The following ABCA13 variants were observed in gnomAD, a reference collection of about 807,000 sequenced individuals.
The protein encoded by ABCA13 is ATP-binding cassette sub-family A member 13.
In ABCA13, 476 loss-of-function variants were observed where a neutral mutation model predicts 478.7. That is an observed-to-expected ratio of 0.99 (90% CI 0.92 to 1.07). The LOEUF (loss-of-function observed/expected upper bound fraction) is 1.07. Among genes scored for constraint, ABCA13 ranks in the 50% least tolerant of loss-of-function variants. The probability of loss-of-function intolerance (pLI) is 0.00; values close to 1 mark genes in which losing one functional copy is unlikely to be tolerated. For missense variants in ABCA13, 6,060 were observed against 5,910.6 expected, an observed-to-expected ratio of 1.03 and a Z score of -0.83; for synonymous variants, 2,252 against 2,158.9, an observed-to-expected ratio of 1.04 and a Z score of -1.20.
chr7:48,455,307 TG>T, intron 43 of ABCA13, 21 bp downstream of exon 43: 1 of 1,581,646 alleles, frequency 6.3e-7, no homozygotes, highest in Non-Finnish European at 8.6e-7. Context: ...TTTGTTCCTT[TG>T]ATTTCGAAAT....
At chr7:48,500,900 G>T (rs528342276) in intron 48 of ABCA13, among the ~76,000 whole-genome samples, 3 of 152,312 alleles carry the variant, frequency 2.0e-5, no homozygotes, top group South Asian at 4.1e-4. Flanking sequence ...AGTCCTGTGA[G>T]TGGGCTATAG....
intron 32 of ABCA13, 26 bp downstream of exon 32, chr7:48,367,934 G>C: frequency 6.5e-7 from 1 of 1,528,998 alleles, no homozygotes; most frequent in Non-Finnish European, 8.9e-7. Flanking sequence ...CCTTGCCTGG[G>C]AGACAAAGAT....
rs748689557 is a variant in ABCA13 at position 48,352,263 on chromosome 7, C to G, written c.10464C>G (p.Ile3488Met). The G allele has an allele frequency of 6.2e-7, 1 of 1,613,812 alleles. No homozygotes were observed. The highest frequency in any genetic ancestry group is 8.5e-7 in the Non-Finnish European group (1 of 1,179,858). Residue 3488 changes from isoleucine (I) to methionine (M), a missense_variant, in exon 31 of 62, where the codon ATC (isoleucine) becomes ATG (methionine). Coordinates refer to ENST00000435803, the MANE Select transcript of ABCA13 (RefSeq NM_152701.5). ...VKLPPHVSYT[I>M]RTNVLYSVRT... The stretch of plus-strand genomic sequence containing the variant: ...TGCCACCCCATGTCTCATACACAAT[C>G]CGGACCAATGTGTTATACAGCGTGC...
chr7:48,273,066 A>C lies in ABCA13; in HGVS notation c.3400A>C (p.Asn1134His). ...ACAAATTTTTTCAAACCTCTCAGCAAATGTCAGTGTGTTCAACAAGTTTAT... is the reference window on the plus strand; with the variant it reads ...ACAAATTTTTTCAAACCTCTCAGCACATGTCAGTGTGTTCAACAAGTTTAT... ...LAQIFSNLSANVSVFNKFMSI... is the reference protein window; with the variant it reads ...LAQIFSNLSAHVSVFNKFMSI... The change falls in exon 17 of 62, where the codon AAT (asparagine) becomes CAT (histidine). Residue 1134 changes from asparagine to histidine, a missense_variant. By Grantham distance (68) the Asn-to-His change is moderately conservative (BLOSUM62 1). This residue lies in a region of ABCA13 where 4,423 missense variants were observed against 4,309.1 expected (regional missense o/e 1.03). Coordinates refer to ENST00000435803, the MANE Select transcript of ABCA13 (RefSeq NM_152701.5). The C allele has an allele frequency of 6.2e-7, 1 of 1,613,618 alleles. No homozygotes were observed. Among genetic ancestry groups the C allele is most frequent in the Non-Finnish European group, 8.5e-7 (1 of 1,179,732 alleles).
Position 48,298,381 on chromosome 7 carries a change from A to G in ABCA13, c.9215A>G (p.Asp3072Gly). 2 of 1,609,146 alleles carry G rather than the reference A, an allele frequency of 1.2e-6. No individual in the cohort carries two copies. The highest frequency in any genetic ancestry group is 1.7e-6 in the Non-Finnish European group (2 of 1,177,946). The stretch of plus-strand genomic sequence containing the variant: ...TACTTTGCAGATGTAAAAATAAAAG[A>G]TTTGATGAAGAATATCACCAAGTTG... The part of the protein sequence containing the change: ...FTVTEDVKIK[D>G]LMKNITKLTE... Residue 3072 changes from aspartate (D) to glycine (G), a missense_variant, in exon 23 of 62, where the codon GAT becomes GGT. Physicochemically the swap from Asp to Gly is moderately conservative, Grantham distance 94. Transcript: ENST00000435803.
chr7:48,403,807 G>C lies in ABCA13; in HGVS notation c.11998G>C (p.Asp4000His), dbSNP rs1482596467. 1 of 1,613,884 alleles carries C rather than the reference G, an allele frequency of 6.2e-7. No individual in the cohort carries two copies. The highest frequency in any genetic ancestry group is 8.5e-7 in the Non-Finnish European group (1 of 1,179,828). The change falls in exon 39 of 62, where the codon GAT becomes CAT. Residue 4000 changes from aspartate (D) to histidine (H), a missense_variant. By Grantham distance (81) the Asp-to-His change is moderately conservative (BLOSUM62 -1). Around this residue, in one of 3 missense-constraint regions of ABCA13, gnomAD observed 1,627 missense variants for 1,571.0 expected, o/e 1.04. Transcript: ENST00000435803. ...FMGMSRTVVL[D>H]EPTSGVDPCS... Reference sequence around the variant, plus strand: ...GGGCATGTCGAGGACCGTGGTTCTGGATGAGCCCACCAGTGGGGTGGACCC... The same window carrying C: ...GGGCATGTCGAGGACCGTGGTTCTGCATGAGCCCACCAGTGGGGTGGACCC...
intron 27 of ABCA13, among the ~76,000 whole-genome samples, chr7:48,327,584 G>T (rs1490747345): frequency 1.3e-5 from 2 of 152,292 alleles, no homozygotes; most frequent in East Asian, 1.9e-4. Context: ...GATTAAAAAA[G>T]TAGTAAGAAT....
intron 41 of ABCA13, among the ~76,000 whole-genome samples, chr7:48,423,330 C>G (rs1290084490): frequency 6.6e-6 from 1 of 152,216 alleles, no homozygotes; most frequent in Non-Finnish European, 1.5e-5. Context: ...TTCCTCTGCT[C>G]AAGTCATCAC....
intron 15 of ABCA13, among the ~76,000 whole-genome samples, chr7:48,265,632 G>T (rs191530937): frequency 6.6e-6 from 1 of 151,398 alleles, no homozygotes; most frequent in South Asian, 2.1e-4. Context: ...AATTCATCTT[G>T]TATCATGCAA....
intron 51 of ABCA13, among the ~76,000 whole-genome samples, chr7:48,512,039 A>G (rs1455367941): frequency 6.6e-6 from 1 of 152,036 alleles, no homozygotes. Flanking sequence ...GGGTGGGTGG[A>G]TGGATGGAAG....
intron 20 of ABCA13, among the ~76,000 whole-genome samples, chr7:48,289,923 G>A (rs1229333803): frequency 6.6e-6 from 1 of 152,178 alleles, no homozygotes; most frequent in Admixed American, 6.5e-5. Flanking sequence ...AAGTATGTGA[G>A]ACTTTTAGAA....
intron 30 of ABCA13, among the ~76,000 whole-genome samples, chr7:48,351,958 A>C (rs1418715732): frequency 6.6e-6 from 1 of 152,240 alleles, no homozygotes; most frequent in East Asian, 1.9e-4. Flanking sequence ...AATACAAAGC[A>C]GCACTGGACA....
intron 3 of ABCA13, among the ~76,000 whole-genome samples, chr7:48,213,681 A>G (rs2128949385): frequency 6.6e-6 from 1 of 152,248 alleles, no homozygotes; most frequent in South Asian, 2.1e-4. Flanking sequence ...TTACAGTGGG[A>G]CTTCTTTCAA....
chr7:48,226,406 G>T (rs949022349), intron 5 of ABCA13, among the ~76,000 whole-genome samples: 1 of 152,224 alleles, frequency 6.6e-6, no homozygotes, highest in Admixed American at 6.5e-5. Flanking sequence ...ACTGAGAGTG[G>T]TGTGAGGAAG....
At chr7:48,222,838 T>A (rs903437454) in intron 5 of ABCA13, among the ~76,000 whole-genome samples, 3 of 152,054 alleles carry the variant, frequency 2.0e-5, no homozygotes, top group African/African-American at 7.3e-5. Flanking sequence ...TGGTGGGACT[T>A]GAGTTATGTT....
At chr7:48,534,354 A>T (rs1453395867) in intron 55 of ABCA13, among the ~76,000 whole-genome samples, 2 of 152,108 alleles carry the variant, frequency 1.3e-5, no homozygotes, top group Non-Finnish European at 2.9e-5. Flanking sequence ...TGTTATTCTG[A>T]TAGCTTTTCC....
chr7:48,279,741 T>A lies in ABCA13; in HGVS notation c.8547T>A (p.Phe2849Leu). Residue 2849 changes from phenylalanine (F) to leucine (L), a missense_variant, in exon 18 of 62, where the codon TTT becomes TTA. By Grantham distance (22) the Phe-to-Leu change is conservative. Around this residue, in one of 3 missense-constraint regions of ABCA13, gnomAD observed 4,423 missense variants for 4,309.1 expected, o/e 1.03. Coordinates refer to ENST00000435803, the MANE Select transcript of ABCA13 (RefSeq NM_152701.5). Reference protein sequence around the residue: ...TSTRTLFQPLFEIFIKATTGK... With the variant: ...TSTRTLFQPLLEIFIKATTGK... ...CAAGAACTTTGTTTCAGCCACTTTT[T>A]GAGATTTTCATTAAAGCAACCACCG... 1 of 1,613,094 alleles carries A rather than the reference T, an allele frequency of 6.2e-7. No individual in the cohort carries two copies. The highest frequency in any genetic ancestry group is 8.5e-7 in the Non-Finnish European group (1 of 1,179,654).
intron 35 of ABCA13, among the ~76,000 whole-genome samples, chr7:48,377,441 TA>T (rs924919438): frequency 1.3e-5 from 2 of 151,784 alleles, no homozygotes; most frequent in Non-Finnish European, 2.9e-5. Context: ...AACTAAAAAT[TA>T]AAAAAAATGA....
intron 56 of ABCA13, among the ~76,000 whole-genome samples, chr7:48,581,336 T>G (rs1788689343): frequency 6.6e-6 from 1 of 152,188 alleles, no homozygotes; most frequent in Non-Finnish European, 1.5e-5. Flanking sequence ...CTTTCTAACT[T>G]TAAGTGAAAC....
Sources: gnomAD v4.1 joint callset for allele counts (sites outside exome capture counted in the v4.1 genomes callset) on GRCh38, gnomAD v4.1.1 for gene constraint, gnomAD v4.1.1 regional missense constraint, MANE v1.5 for transcripts, NCBI Gene and HGNC (gene_info 2026-07-23, HGNC 2026-07-21) for gene names.